The following TNN variants were observed in gnomAD, a reference collection of about 807,000 sequenced individuals.
TNN encodes tenascin N, also known as tenascin-N.
Under a neutral mutation model 134.4 loss-of-function variants are expected in TNN, and 122 were observed. The observed-to-expected ratio is 0.91, with a 90% CI of 0.78 to 1.06. The LOEUF (loss-of-function observed/expected upper bound fraction) is 1.06, where lower values mean the gene tolerates loss of function less well. TNN is among the 50% of genes least tolerant of loss of function. The pLI is 0.00. For synonymous variants in TNN, 710 were observed against 670.3 expected (o/e 1.06, Z -0.91); for missense variants, 1,739 against 1,699.4 (o/e 1.02, Z -0.41).
chr1:175,093,596 T>C (rs1209503160), intron 6 of TNN, among the ~76,000 whole-genome samples: 1 of 151,824 alleles, frequency 6.6e-6, no homozygotes, highest in Non-Finnish European at 1.5e-5. Flanking sequence ...GGGGAGGTGA[T>C]GTTGTTTTGA....
At chr1:175,077,901 C>A in intron 2 of TNN, 74 bp downstream of exon 2, 1 of 1,441,936 alleles carries the variant, frequency 6.9e-7, no homozygotes, top group South Asian at 1.3e-5. Context: ...TTCCACTAGC[C>A]TCATGAGCAC....
At chr1:175,077,269 T>A in intron 1 of TNN, 115 bp from the exon 2 acceptor site, 1 of 793,590 alleles carries the variant, frequency 1.3e-6, no homozygotes, top group Non-Finnish European at 2.1e-6. Flanking sequence ...AGAAATAGAA[T>A]GAGTTCTTTC....
intron 17 of TNN, among the ~76,000 whole-genome samples, chr1:175,143,568 A>G (rs1397242634): frequency 6.6e-6 from 1 of 151,782 alleles, no homozygotes; most frequent in Non-Finnish European, 1.5e-5. Flanking sequence ...ACCAATAAAG[A>G]GAATCTTCTT....
intron 9 of TNN, among the ~76,000 whole-genome samples, chr1:175,099,690 T>C (rs1188590071): frequency 1.3e-5 from 2 of 151,218 alleles, no homozygotes; most frequent in African/African-American, 2.4e-5. Flanking sequence ...CAAGAGAGAA[T>C]AGAGCCCAGG....
intron 6 of TNN, among the ~76,000 whole-genome samples, chr1:175,086,156 T>G (rs1203603901): frequency 6.6e-6 from 1 of 152,230 alleles, no homozygotes; most frequent in Non-Finnish European, 1.5e-5. Flanking sequence ...AGACAAGTGA[T>G]CTATAATTTT....
intron 7 of TNN, among the ~76,000 whole-genome samples, chr1:175,096,418 T>C (rs993593373): frequency 6.6e-6 from 1 of 152,348 alleles, no homozygotes; most frequent in Admixed American, 6.5e-5. Flanking sequence ...CTGTGGTGCA[T>C]GCTGAACTTT....
At chr1:175,070,896 C>G (rs1673900647) in intron 1 of TNN, among the ~76,000 whole-genome samples, 1 of 152,152 alleles carries the variant, frequency 6.6e-6, no homozygotes, top group Admixed American at 6.5e-5. Flanking sequence ...CCCTGAGTCA[C>G]CCAGGGCCCA....
chr1:175,079,409 G>C lies in TNN; in HGVS notation c.486G>C (p.Glu162Asp). 1 of 1,595,264 alleles carries C rather than the reference G, an allele frequency of 6.3e-7. No individual in the cohort carries two copies. Among genetic ancestry groups the C allele is most frequent in the Non-Finnish European group, 8.5e-7 (1 of 1,174,414 alleles). Reference sequence around the variant, plus strand: ...GCTGCCACTGCGAAGAGGGCAGGGAGGGCCCCGCCTGCGAGCGGCTGGCCT... The same window carrying C: ...GCTGCCACTGCGAAGAGGGCAGGGACGGCCCCGCCTGCGAGCGGCTGGCCT... ...TCSCHCEEGR[E>D]GPACERLACP... is the part of the protein sequence containing the mutation. The change falls in exon 3 of 19, where the codon GAG becomes GAC. Residue 162 changes from glutamate (E) to aspartate (D), a missense_variant. Glu to Asp is a conservative substitution (Grantham distance 45). Coordinates refer to ENST00000239462, the MANE Select transcript of TNN (RefSeq NM_022093.2).
chr1:175,147,208 A>C lies in TNN; in HGVS notation c.*137A>C. ...CATGTCACCAAGCTTCAAGCCATGG[A>C]GGTTCCTTCCCTCTCACCTGCATTT... On this transcript the variant is annotated 3_prime_UTR_variant, in exon 19 of 19. Coordinates refer to ENST00000239462, the MANE Select transcript of TNN (RefSeq NM_022093.2). 1 of 939,822 alleles carries C rather than the reference A, an allele frequency of 1.1e-6. No homozygotes were observed. Among genetic ancestry groups the C allele is most frequent in the Non-Finnish European group, 1.5e-6 (1 of 689,078 alleles). 58.2% of individuals were successfully genotyped at this position (939,822 alleles called of 1,614,324 possible).
intron 1 of TNN, among the ~76,000 whole-genome samples, chr1:175,073,933 C>A (rs187071351): frequency 6.6e-6 from 1 of 152,278 alleles, no homozygotes; most frequent in Non-Finnish European, 1.5e-5. Flanking sequence ...CAGCTCGGGC[C>A]CTGAACTGCC....
At chr1:175,073,090 C>T (rs535455848) in intron 1 of TNN, among the ~76,000 whole-genome samples, 3 of 152,096 alleles carry the variant, frequency 2.0e-5, no homozygotes, top group East Asian at 1.9e-4. Flanking sequence ...GATTTTTGGA[C>T]AGTGGAAACT....
At chr1:175,097,935 G>A (rs146588668) in intron 8 of TNN, among the ~76,000 whole-genome samples, 101 of 152,308 alleles carry the variant, frequency 6.6e-4, no homozygotes, top group African/African-American at 2.3e-3. Flanking sequence ...AGCAGAAGAT[G>A]GGTACAGGAT....
At chr1:175,136,606 G>C (rs1321291969) in intron 16 of TNN, among the ~76,000 whole-genome samples, 1 of 152,086 alleles carries the variant, frequency 6.6e-6, no homozygotes, top group Non-Finnish European at 1.5e-5. Context: ...GGGTTACCCT[G>C]CCCCCTTCAC....
intron 6 of TNN, among the ~76,000 whole-genome samples, chr1:175,089,650 T>A (rs1345782503): frequency 3.3e-5 from 5 of 152,226 alleles, no homozygotes; most frequent in Non-Finnish European, 7.3e-5. Context: ...TTTCTTATGA[T>A]GATGGTATTC....
At chr1:175,131,959 G>A (rs912899774) in intron 15 of TNN, among the ~76,000 whole-genome samples, 1 of 75,432 alleles carries the variant, frequency 1.3e-5, no homozygotes, top group Non-Finnish European at 2.8e-5. Flanking sequence ...CACACACATC[G>A]CTGGAAAGCT....
chr1:175,097,001 T>C (rs1401241986), intron 7 of TNN, among the ~76,000 whole-genome samples: 1 of 152,228 alleles, frequency 6.6e-6, no homozygotes, highest in Non-Finnish European at 1.5e-5. Flanking sequence ...CTACTACTTC[T>C]AGGATATTTT....
chr1:175,119,204 G>A (rs1192667836), intron 11 of TNN, among the ~76,000 whole-genome samples: 2 of 152,210 alleles, frequency 1.3e-5, no homozygotes, highest in Admixed American at 6.5e-5. Flanking sequence ...GCTTGTGGTT[G>A]TCCATTTTTA....
chr1:175,101,533 GGC>G lies in TNN; in HGVS notation c.2119+2939_2119+2940del, dbSNP rs529798981. ...GCAGCCTGCTTTTATTGTCTTTTCT[GGC>G]CCCACCCACATCCTGCTGATTGGTA... On this transcript the variant is annotated intron_variant, in intron 9 of 18. Coordinates refer to ENST00000239462, the MANE Select transcript of TNN (RefSeq NM_022093.2). Among the ~76,000 whole-genome samples the G allele has an allele frequency of 5.3e-4, 80 of 149,726 alleles. No homozygotes were observed. In the South Asian group the frequency reaches 0.017, roughly 33 times the overall value.
At chr1:175,072,398 T>A (rs150656637) in intron 1 of TNN, among the ~76,000 whole-genome samples, 32 of 152,342 alleles carry the variant, frequency 2.1e-4, no homozygotes, top group African/African-American at 7.2e-4. Context: ...CATGCATCCC[T>A]GCAGAATTTA....
Sources: gnomAD v4.1 joint callset for allele counts (sites outside exome capture counted in the v4.1 genomes callset) on GRCh38, gnomAD v4.1.1 for gene constraint, MANE v1.5 for transcripts, NCBI Gene and HGNC (gene_info 2026-07-23, HGNC 2026-07-21) for gene names.